The following RBPJ variants were observed in gnomAD, a reference collection of about 807,000 sequenced individuals.
The protein encoded by RBPJ is recombining binding protein suppressor of hairless.
In RBPJ, 9 loss-of-function variants were observed where a neutral mutation model predicts 67.8. The ratio of observed to expected loss-of-function variants is 0.13; its 90% confidence interval spans 0.08 to 0.23. The LOEUF is 0.23. RBPJ is among the 10% of genes least tolerant of loss of function. The pLI is 1.00. For missense variants in RBPJ, 305 were observed against 595.6 expected, an observed-to-expected ratio of 0.51 and a Z score of 5.08; for synonymous variants, 198 against 203.3, an observed-to-expected ratio of 0.97 and a Z score of 0.22.
At position 26,331,386 on chromosome 4, in the gene RBPJ, G is replaced by A. The variant is rs1477064506; in HGVS notation, c.20+10338G>A. Among the ~76,000 whole-genome samples, 3 of 151,286 alleles carry A rather than the reference G, an allele frequency of 2.0e-5. No individual in the cohort carries two copies. The East Asian group carries it at 5.8e-4, about 29-fold the overall frequency. ...ACAAGTGTGAACCCCTGTACCCAAC[G>A]TTATGTTTTTTTTTTTCCCATACCT... is the stretch of plus-strand genomic sequence containing the variant. On this transcript the variant is annotated intron_variant, in intron 1 of 10. Transcript: ENST00000355476.
chr4:26,404,363 A>G (rs1221560386), intron 2 of RBPJ, among the ~76,000 whole-genome samples: 4 of 152,128 alleles, frequency 2.6e-5, no homozygotes, highest in Admixed American at 1.3e-4. Flanking sequence ...TTCTTTTGCT[A>G]TGCAGAAACG....
At chr4:26,126,858 A>G in the RBPJ span, among the ~76,000 whole-genome samples, 7,337 of 152,302 alleles carry the variant, frequency 0.048, 596 homozygotes, top group African/African-American at 0.17. Context: ...TGGACAGTGG[A>G]AAAGCCTAAG....
intron 1 of RBPJ, among the ~76,000 whole-genome samples, chr4:26,303,771 C>T (rs1308840436): frequency 1.3e-5 from 2 of 152,048 alleles, no homozygotes; most frequent in African/African-American, 2.4e-5. Flanking sequence ...TACTGAGACC[C>T]GTGTCTCTAT....
intron 1 of RBPJ, among the ~76,000 whole-genome samples, chr4:26,328,839 A>G (rs575531109): frequency 6.6e-6 from 1 of 152,116 alleles, no homozygotes; most frequent in Admixed American, 6.5e-5. Context: ...TTTTGTACAG[A>G]CAGCCTTGCT....
intron 1 of RBPJ, among the ~76,000 whole-genome samples, chr4:26,185,098 C>T (rs931889406): frequency 2.0e-5 from 3 of 150,072 alleles, no homozygotes; most frequent in African/African-American, 4.9e-5. Flanking sequence ...GCCGACATTG[C>T]GCCACTGCAC....
the RBPJ span, among the ~76,000 whole-genome samples, chr4:26,115,443 G>A: frequency 6.6e-6 from 1 of 151,652 alleles, no homozygotes; most frequent in Admixed American, 6.6e-5. Context: ...GGAGTGCAGT[G>A]GCGCGATCTC....
At chr4:26,354,223 G>A (rs896420689) in intron 1 of RBPJ, among the ~76,000 whole-genome samples, 3 of 151,956 alleles carry the variant, frequency 2.0e-5, no homozygotes, top group Admixed American at 1.3e-4. Flanking sequence ...GAGCCACCCC[G>A]CCCGGCCATA....
chr4:26,158,247 A>T, the RBPJ span, among the ~76,000 whole-genome samples: 1 of 152,174 alleles, frequency 6.6e-6, no homozygotes, highest in Non-Finnish European at 1.5e-5. Context: ...AGGATGGACC[A>T]GTCACATTCC....
the RBPJ span, among the ~76,000 whole-genome samples, chr4:26,118,695 C>A: frequency 6.6e-6 from 1 of 152,200 alleles, no homozygotes; most frequent in Non-Finnish European, 1.5e-5. Flanking sequence ...TTAATTTCTA[C>A]TGTTGCTTAG....
At chr4:26,123,083 TA>T in the RBPJ span, among the ~76,000 whole-genome samples, 2 of 152,156 alleles carry the variant, frequency 1.3e-5, no homozygotes, top group African/African-American at 4.8e-5. Context: ...AATGTGTCAT[TA>T]GGGGAGTTTG....
intron 1 of RBPJ, among the ~76,000 whole-genome samples, chr4:26,352,502 T>G (rs1398999465): frequency 6.6e-6 from 1 of 152,128 alleles, no homozygotes; most frequent in Non-Finnish European, 1.5e-5. Flanking sequence ...ACTCACATCA[T>G]TAAAAATTCA....
chr4:26,419,848 A>G (rs1734951828), intron 4 of RBPJ, among the ~76,000 whole-genome samples: 2 of 152,194 alleles, frequency 1.3e-5, no homozygotes, highest in Admixed American at 6.5e-5. Flanking sequence ...ATCAGAATTT[A>G]AATTCTGGTA....
chr4:26,405,480 T>C (rs1469130712), intron 2 of RBPJ, among the ~76,000 whole-genome samples: 2 of 152,212 alleles, frequency 1.3e-5, no homozygotes, highest in Non-Finnish European at 2.9e-5. Context: ...TTTAAGATAT[T>C]GAACTTTGTA....
chr4:26,206,038 A>C (rs1179491112), intron 1 of RBPJ, among the ~76,000 whole-genome samples: 1 of 152,206 alleles, frequency 6.6e-6, no homozygotes. Context: ...TGTGGCATAT[A>C]GTCTTATACC....
chr4:26,207,762 A>G (rs1446023085), intron 1 of RBPJ, among the ~76,000 whole-genome samples: 1 of 152,198 alleles, frequency 6.6e-6, no homozygotes, highest in African/African-American at 2.4e-5. Context: ...GTATATTTAT[A>G]TGTCATCACA....
chr4:26,201,098 A>T (rs1360521521), intron 1 of RBPJ, among the ~76,000 whole-genome samples: 1 of 152,208 alleles, frequency 6.6e-6, no homozygotes, highest in Non-Finnish European at 1.5e-5. Context: ...ATTTCCCAAA[A>T]AAGGTTTGGA....
intron 1 of RBPJ, among the ~76,000 whole-genome samples, chr4:26,192,133 C>G (rs1717581489): frequency 6.6e-6 from 1 of 152,054 alleles, no homozygotes; most frequent in Non-Finnish European, 1.5e-5. Flanking sequence ...CTCAGCCTCC[C>G]AAGTAGCTGG....
intron 1 of RBPJ, among the ~76,000 whole-genome samples, chr4:26,219,769 TTTGTTG>T (rs775533836): frequency 6.6e-6 from 1 of 152,060 alleles, no homozygotes; most frequent in Admixed American, 6.6e-5. Context: ...TCAGGTTTTT[TTTGTTG>T]TTGTTGTTGT....
chr4:26,401,818 A>G (rs1318332235), intron 2 of RBPJ, among the ~76,000 whole-genome samples: 2 of 151,300 alleles, frequency 1.3e-5, no homozygotes, highest in Non-Finnish European at 3.0e-5. Context: ...GTGCTGGGAA[A>G]TTTTGTGCCA....
Sources: allele counts gnomAD v4.1 joint callset (sites outside exome capture counted in the v4.1 genomes callset), GRCh38; gene constraint gnomAD v4.1.1; transcripts MANE v1.5; gene names NCBI Gene and HGNC (gene_info 2026-07-23, HGNC 2026-07-21).